SMYD3: variants seen among roughly 807,000 people sequenced by gnomAD.
SMYD3 encodes the protein histone-lysine N-methyltransferase SMYD3.
In SMYD3, 36 loss-of-function variants were observed where a neutral mutation model predicts 57.7. That is an observed-to-expected ratio of 0.62 (90% CI 0.48 to 0.82). The LOEUF (loss-of-function observed/expected upper bound fraction) is 0.82, where lower values mean the gene tolerates loss of function less well. Ranked by LOEUF, SMYD3 falls within the 40% of genes least tolerant of loss-of-function variation. The pLI, the probability that SMYD3 is intolerant of heterozygous loss-of-function variation, is 0.00. For missense variants in SMYD3, 515 were observed against 538.8 expected (o/e 0.96, Z 0.44); for synonymous variants, 211 against 195.0 (o/e 1.08, Z -0.68).
At chr1:246,384,675 G>A (rs1287367504) in intron 1 of SMYD3, among the ~76,000 whole-genome samples, 1 of 152,158 alleles carries the variant, frequency 6.6e-6, no homozygotes, top group Non-Finnish European at 1.5e-5. Context: ...GAGATTACAG[G>A]CGTGAGCCAC....
At chr1:246,304,482 C>T in intron 5 of SMYD3, among the ~76,000 whole-genome samples, 1 of 151,980 alleles carries the variant, frequency 6.6e-6, no homozygotes, top group East Asian at 1.9e-4. Context: ...TGACCAGCAA[C>T]TGAAAATATG....
In SMYD3 at chr1:245,817,247, C is replaced by T. The variant is rs1041560500; in HGVS notation, c.1076+41249G>A. On this transcript the variant is annotated intron_variant, in intron 10 of 11. Coordinates refer to ENST00000490107, the MANE Select transcript of SMYD3 (RefSeq NM_001167740.2). The stretch of plus-strand genomic sequence containing the variant: ...CAAGTGGGTCCCTGACCCCTGACCC[C>T]CGAGCAGCCTAACTGGGAGGCACCC... Among the ~76,000 whole-genome samples the T allele has an allele frequency of 1.7e-4, 24 of 144,694 alleles. No homozygotes were observed. The South Asian group carries it at 2.7e-3, about 16-fold the overall frequency. The allele number at this position is 144,694 out of a possible 152,430, so 94.9% of individuals were successfully genotyped here.
chr1:246,309,113 G>A (rs1389242293), intron 5 of SMYD3, among the ~76,000 whole-genome samples: 2 of 151,724 alleles, frequency 1.3e-5, no homozygotes, highest in African/African-American at 4.8e-5. Flanking sequence ...AAACCAATAT[G>A]TATTTTTTAA....
Position 245,846,986 on chromosome 1 carries a change from C to T in SMYD3, c.1076+11510G>A, listed in dbSNP as rs549143735. Among the ~76,000 whole-genome samples the T allele has an allele frequency of 9.8e-5, 15 of 152,296 alleles. No individual in the cohort carries two copies. In the South Asian group the frequency reaches 3.1e-3, roughly 32 times the overall value. ...CTGTTTCCCTCTTTGCAGAGCAGGG[C>T]ACTGTCTCCACTCCTCTCACTACTC... On this transcript the variant is annotated intron_variant, in intron 10 of 11. Coordinates refer to ENST00000490107, the MANE Select transcript of SMYD3 (RefSeq NM_001167740.2).
chr1:246,132,928 TG>T (rs2148074140), intron 5 of SMYD3, among the ~76,000 whole-genome samples: 1 of 152,252 alleles, frequency 6.6e-6, no homozygotes, highest in African/African-American at 2.4e-5. Context: ...GAAGCCATAA[TG>T]AGGTTGCCAC....
intron 7 of SMYD3, among the ~76,000 whole-genome samples, chr1:245,924,528 G>A (rs1187126542): frequency 6.6e-6 from 1 of 152,124 alleles, no homozygotes; most frequent in Admixed American, 6.5e-5. Context: ...CTCTCCTTGT[G>A]TGAGGTTTGA....
chr1:246,213,410 G>GTT (rs1447018322), intron 5 of SMYD3, among the ~76,000 whole-genome samples: 1 of 152,186 alleles, frequency 6.6e-6, no homozygotes, highest in Non-Finnish European at 1.5e-5. Context: ...TTTGAGTCAG[G>GTT]TTATCTCCTA....
At chr1:246,062,768 T>C (rs1378693004) in intron 5 of SMYD3, among the ~76,000 whole-genome samples, 1 of 152,188 alleles carries the variant, frequency 6.6e-6, no homozygotes, top group Non-Finnish European at 1.5e-5. Flanking sequence ...CAGTTCCAAA[T>C]GTTCAATAAC....
intron 5 of SMYD3, among the ~76,000 whole-genome samples, chr1:245,948,940 C>T (rs2057520313): frequency 6.6e-6 from 1 of 152,204 alleles, no homozygotes; most frequent in Non-Finnish European, 1.5e-5. Context: ...GTCCATCCAC[C>T]ACTGTGGGCA....
At chr1:246,077,846 G>C (rs1572987223) in intron 5 of SMYD3, among the ~76,000 whole-genome samples, 2 of 152,000 alleles carry the variant, frequency 1.3e-5, no homozygotes, top group East Asian at 3.9e-4. Context: ...AACTCTTTAA[G>C]GGAAGGAATT....
intron 10 of SMYD3, among the ~76,000 whole-genome samples, chr1:245,784,595 T>C (rs147854046): frequency 3.2e-4 from 49 of 152,244 alleles, no homozygotes; most frequent in Non-Finnish European, 6.3e-4. Flanking sequence ...AAGCAGGGAC[T>C]ATCAACAAGA....
chr1:246,038,916 C>T (rs1572928418), intron 5 of SMYD3, among the ~76,000 whole-genome samples: 1 of 152,064 alleles, frequency 6.6e-6, no homozygotes, highest in Non-Finnish European at 1.5e-5. Context: ...AATTAAAATA[C>T]ATGTTATTTG....
At chr1:246,056,309 G>A (rs890991317) in intron 5 of SMYD3, among the ~76,000 whole-genome samples, 2 of 152,162 alleles carry the variant, frequency 1.3e-5, no homozygotes, top group South Asian at 4.2e-4. Context: ...TATTTCATAG[G>A]AAGCAGGAGA....
chr1:246,312,967 T>C (rs962878222), intron 5 of SMYD3, among the ~76,000 whole-genome samples: 2 of 152,290 alleles, frequency 1.3e-5, no homozygotes, highest in African/African-American at 4.8e-5. Context: ...CAGGCTGCAA[T>C]GCAGTGGCAC....
At chr1:245,803,644 G>A (rs2047986394) in intron 10 of SMYD3, among the ~76,000 whole-genome samples, 1 of 152,198 alleles carries the variant, frequency 6.6e-6, no homozygotes, top group Non-Finnish European at 1.5e-5. Context: ...TTATAGAAAT[G>A]CCTTCTGGAA....
chr1:246,068,485 C>A (rs1490614639), intron 5 of SMYD3, among the ~76,000 whole-genome samples: 1 of 152,112 alleles, frequency 6.6e-6, no homozygotes, highest in Non-Finnish European at 1.5e-5. Context: ...TGGTTAAAGT[C>A]TTTGCTGATG....
At chr1:246,112,834 G>A in intron 5 of SMYD3, among the ~76,000 whole-genome samples, 1 of 152,164 alleles carries the variant, frequency 6.6e-6, no homozygotes, top group East Asian at 1.9e-4. Context: ...GCATCTTGAA[G>A]TATAAGTAAA....
rs1020446652 is a variant in SMYD3, at chr1:246,327,333, A to G, written c.399T>C (p.Ile133=). 3 of 1,607,354 alleles carry G rather than the reference A, an allele frequency of 1.9e-6. No individual in the cohort carries two copies. Among genetic ancestry groups the G allele is most frequent in the Admixed American group, 1.7e-5 (1 of 57,846 alleles). The change falls in exon 5 of 12, where the codon ATT becomes ATC. Residue 133 remains isoleucine (I), a synonymous_variant. Transcript: ENST00000490107. ...LYSFYDLESN[I]NKLTEDKKEG... ...CTTTCTTATCTTCAGTCAGTTTGTTAATATCTTTTTTAAAGAGAAAATAAA... is the reference window on the plus strand; with the variant it reads ...CTTTCTTATCTTCAGTCAGTTTGTTGATATCTTTTTTAAAGAGAAAATAAA...
chr1:246,273,573 A>ATATTT (rs1368718504), intron 5 of SMYD3, among the ~76,000 whole-genome samples: 3 of 97,224 alleles, frequency 3.1e-5, no homozygotes, highest in South Asian at 4.4e-4. Flanking sequence ...GGTTTCACTA[A>ATATTT]TCTTTTTTTT....
Sources: gnomAD v4.1 joint callset for allele counts (sites outside exome capture counted in the v4.1 genomes callset) on GRCh38, gnomAD v4.1.1 for gene constraint, MANE v1.5 for transcripts, NCBI Gene and HGNC (gene_info 2026-07-23, HGNC 2026-07-21) for gene names.